The following HYAL4 variants were observed in gnomAD, a reference collection of about 807,000 sequenced individuals.
HYAL4 encodes hyaluronidase-4.
Under a neutral mutation model 35.2 loss-of-function variants are expected in HYAL4, and 37 were observed. The ratio of observed to expected loss-of-function variants is 1.05; its 90% CI spans 0.81 to 1.38. HYAL4 has a LOEUF of 1.38. Among genes scored for constraint, HYAL4 ranks in the 40% most tolerant of loss-of-function variants. HYAL4 has a pLI of 0.00. For synonymous variants in HYAL4, 198 were observed against 203.2 expected (o/e 0.97, Z 0.22); for missense variants, 572 against 572.4 (o/e 1.00, Z 0.01).
At chr7:123,792,595 C>T in the HYAL4 span, among the ~76,000 whole-genome samples, 1 of 152,114 alleles carries the variant, frequency 6.6e-6, no homozygotes, top group Admixed American at 6.5e-5. Context: ...GAAGCCCCTC[C>T]TGTTAATTTA....
At chr7:123,787,977 A>T in the HYAL4 span, among the ~76,000 whole-genome samples, 12 of 152,202 alleles carry the variant, frequency 7.9e-5, no homozygotes, top group African/African-American at 2.9e-4. Flanking sequence ...GTTTCTTTAT[A>T]AATGGGTCTT....
chr7:123,775,171 G>A, the HYAL4 span, among the ~76,000 whole-genome samples: 5 of 152,144 alleles, frequency 3.3e-5, no homozygotes, highest in Non-Finnish European at 7.4e-5. Flanking sequence ...GGTGGCTCAC[G>A]CCTGTAATCC....
At chr7:123,808,349 T>C in the HYAL4 span, among the ~76,000 whole-genome samples, 8 of 151,932 alleles carry the variant, frequency 5.3e-5, no homozygotes, top group South Asian at 1.3e-3. Flanking sequence ...AAGAATGAAA[T>C]TCCCGGTTGC....
At chr7:123,841,049 C>T (rs189189725), upstream of HYAL4, among the ~76,000 whole-genome samples, 5 of 152,096 alleles carry the variant, frequency 3.3e-5, no homozygotes, top group African/African-American at 1.2e-4. Context: ...TGAGAGAGGG[C>T]ATCCTTGTCT....
At chr7:123,787,174 T>C in the HYAL4 span, among the ~76,000 whole-genome samples, 35 of 148,296 alleles carry the variant, frequency 2.4e-4, no homozygotes, top group African/African-American at 8.5e-4. Context: ...AAAATCAAAA[T>C]GTATCTCACT....
chr7:123,808,354 G>A, the HYAL4 span, among the ~76,000 whole-genome samples: 7 of 151,418 alleles, frequency 4.6e-5, no homozygotes, highest in Non-Finnish European at 7.4e-5. Flanking sequence ...TGAAATTCCC[G>A]GTTGCATAGA....
At chr7:123,822,558 T>C in the HYAL4 span, among the ~76,000 whole-genome samples, 2 of 152,188 alleles carry the variant, frequency 1.3e-5, no homozygotes, top group East Asian at 3.8e-4. Context: ...GGGTTTTCTA[T>C]ATATAGAACT....
intron 1 of HYAL4, among the ~76,000 whole-genome samples, chr7:123,838,630 A>G (rs1411924614): frequency 1.3e-5 from 2 of 152,030 alleles, no homozygotes; most frequent in African/African-American, 2.4e-5. Flanking sequence ...TAGTCTTTTT[A>G]TGATGAATTT....
intron 3 of HYAL4, among the ~76,000 whole-genome samples, chr7:123,872,563 G>T (rs1187797929): frequency 1.3e-5 from 2 of 152,200 alleles, no homozygotes; most frequent in Non-Finnish European, 2.9e-5. Flanking sequence ...TCAGGTCCAA[G>T]GATCATGTGT....
At chr7:123,800,712 A>G in the HYAL4 span, among the ~76,000 whole-genome samples, 5 of 151,356 alleles carry the variant, frequency 3.3e-5, no homozygotes, top group African/African-American at 4.9e-5. Flanking sequence ...GCTGGAGTGC[A>G]GTGGTCTGAT....
the HYAL4 span, among the ~76,000 whole-genome samples, chr7:123,781,966 G>A: frequency 6.6e-6 from 1 of 152,020 alleles, no homozygotes; most frequent in Non-Finnish European, 1.5e-5. Flanking sequence ...GAGTGCAGTG[G>A]CAAGTTCCTG....
the HYAL4 span, among the ~76,000 whole-genome samples, chr7:123,815,909 T>G: frequency 6.6e-6 from 1 of 152,208 alleles, no homozygotes. Context: ...TTCCTAAATA[T>G]TTCAGAATAA....
intron 3 of HYAL4, among the ~76,000 whole-genome samples, chr7:123,869,575 A>G (rs922270809): frequency 7.2e-5 from 11 of 152,336 alleles, no homozygotes; most frequent in Non-Finnish European, 1.5e-4. Flanking sequence ...TAGACAATCA[A>G]AAAGGATGTT....
the HYAL4 span, among the ~76,000 whole-genome samples, chr7:123,766,007 C>A: frequency 0.066 from 10,011 of 152,164 alleles, 413 homozygotes; most frequent in East Asian, 0.11. Flanking sequence ...AGCCTAACTT[C>A]ATATCTTTCT....
At chr7:123,771,331 T>C in the HYAL4 span, among the ~76,000 whole-genome samples, 1 of 152,218 alleles carries the variant, frequency 6.6e-6, no homozygotes, top group African/African-American at 2.4e-5. Context: ...AAATGAGGGA[T>C]ACAGATTTCA....
At chr7:123,846,611 C>T (rs1806179605) in intron 1 of HYAL4, among the ~76,000 whole-genome samples, 1 of 152,086 alleles carries the variant, frequency 6.6e-6, no homozygotes. Flanking sequence ...TGCCTCCCTG[C>T]CTGTGGAGTC....
chr7:123,797,662 G>A, the HYAL4 span, among the ~76,000 whole-genome samples: 1 of 152,196 alleles, frequency 6.6e-6, no homozygotes, highest in African/African-American at 2.4e-5. Flanking sequence ...ACTAAGGCCT[G>A]GGCCTAGCAT....
the HYAL4 span, among the ~76,000 whole-genome samples, chr7:123,775,964 A>T: frequency 6.6e-6 from 1 of 152,330 alleles, no homozygotes; most frequent in East Asian, 1.9e-4. Context: ...CCATCTGGAA[A>T]ATCAGAGGAA....
At position 123,869,845 on chromosome 7, in the gene HYAL4, C is replaced by A. The variant is rs948587305; in HGVS notation, c.954+618C>A. 1.0e-4 allele frequency among the ~76,000 whole-genome samples: 15 copies of A among 148,310 alleles called. No homozygotes were observed. In the East Asian group the frequency reaches 2.3e-3, roughly 23 times the overall value. ...TGGGTTTACAGGTGCTCACCCCCCC[C>A]CACCCAGCTAATTTTTGTACTTTTA... On this transcript the variant is annotated intron_variant, in intron 3 of 4. Coordinates refer to ENST00000223026, the MANE Select transcript of HYAL4 (RefSeq NM_012269.3).
Sources: allele counts gnomAD v4.1 joint callset (sites outside exome capture counted in the v4.1 genomes callset), GRCh38; gene constraint gnomAD v4.1.1; transcripts MANE v1.5; gene names NCBI Gene and HGNC (gene_info 2026-07-23, HGNC 2026-07-21).